DBH: variants seen among roughly 807,000 people sequenced by gnomAD.
The protein encoded by DBH is dopamine beta-hydroxylase, also known as dopamine beta-hydroxylase (dopamine beta-monooxygenase).
In DBH, 49 loss-of-function variants were observed where a neutral mutation model predicts 64.0. That is an observed-to-expected ratio of 0.77 (90% confidence interval 0.61 to 0.97). The LOEUF (loss-of-function observed/expected upper bound fraction) is 0.97, where lower values mean the gene tolerates loss of function less well. Among genes scored for constraint, DBH ranks in the 50% least tolerant of loss-of-function variants. The pLI, the probability that DBH is intolerant of heterozygous loss-of-function variation, is 0.00. For synonymous variants in DBH, 343 were observed against 347.1 expected (o/e 0.99, Z 0.13); for missense variants, 828 against 826.6 (o/e 1.00, Z -0.02).
chr9:133,644,052 G>A (rs549126270), intron 4 of DBH, among the ~76,000 whole-genome samples, 166 bp from the exon 5 acceptor site: 51 of 152,270 alleles, frequency 3.3e-4, no homozygotes, highest in Middle Eastern at 3.4e-3. Context: ...GATGTTCCTG[G>A]GGCGTGTAAT....
chr9:133,642,562 G>C, intron 3 of DBH, 98 bp downstream of exon 3: 1 of 1,441,054 alleles, frequency 6.9e-7, no homozygotes, highest in Non-Finnish European at 9.4e-7. Context: ...AGTCCTGGTT[G>C]GACCAGGTGT....
In DBH at chr9:133,636,762, C is replaced by T. The variant is rs576532198; in HGVS notation, c.339+52C>T. 6 of 1,526,906 alleles carry T rather than the reference C, an allele frequency of 3.9e-6. No individual in the cohort carries two copies. In the East Asian group the frequency reaches 1.2e-4, roughly 29 times the overall value. 94.6% of individuals were successfully genotyped at this position (1,526,906 alleles called of 1,614,324 possible). On this transcript the variant is annotated intron_variant, in intron 1 of 11. Coordinates refer to ENST00000393056, the MANE Select transcript of DBH (RefSeq NM_000787.4). ...CCAAACCCTTCCTGACCCGGCACCC[C>T]ATCTGGCCGTCTTTCTGCACTCACC...
chr9:133,658,164 C>T (rs967603704), intron 11 of DBH, 152 bp from the exon 12 acceptor site: 91 of 1,076,914 alleles, frequency 8.5e-5, no homozygotes, highest in Non-Finnish European at 2.6e-5. Flanking sequence ...TGAGGACCCC[C>T]AAAAAGCAAC....
intron 10 of DBH, among the ~76,000 whole-genome samples, 177 bp from the exon 11 acceptor site, chr9:133,656,893 C>T (rs896039750): frequency 3.9e-5 from 6 of 152,296 alleles, no homozygotes; most frequent in South Asian, 4.1e-4. Context: ...GAGGTGAGGC[C>T]GTTGCCGGTG....
intron 6 of DBH, among the ~76,000 whole-genome samples, chr9:133,648,301 G>A (rs1033116230): frequency 1.3e-5 from 2 of 152,174 alleles, no homozygotes; most frequent in African/African-American, 4.8e-5. Context: ...CATTATGTAA[G>A]CAACACACAC....
In DBH at chr9:133,656,654, A is replaced by G. The variant is rs1216689132; in HGVS notation, c.1562+4A>G. On this transcript the variant is annotated splice_donor_region_variant and intron_variant, in intron 10 of 11. Coordinates refer to ENST00000393056, the MANE Select transcript of DBH (RefSeq NM_000787.4). ...AGTACTTCCACCTCATCAACAGGTG[A>G]GGGCTCCCTGCACAAGCTCCCTGCC... 1 of 1,611,698 alleles carries G rather than the reference A, an allele frequency of 6.2e-7. No homozygotes were observed. The highest frequency in any genetic ancestry group is 8.5e-7 in the Non-Finnish European group (1 of 1,179,934).
rs755891058 is a variant in DBH at position 133,636,490 on chromosome 9, C to T, written c.119C>T (p.Ser40Leu). The change falls in exon 1 of 12, where the codon TCG becomes TTG. Residue 40 changes from serine (S) to leucine (L), a missense_variant. By Grantham distance (145) the Ser-to-Leu change is moderately radical (BLOSUM62 -2). Coordinates refer to ENST00000393056, the MANE Select transcript of DBH (RefSeq NM_000787.4). The part of the protein sequence containing the change: ...LVILVAALQG[S>L]APRESPLPYH... ...ATCCTGGTGGCCGCACTGCAGGGCT[C>T]GGCTCCCCGTGAGAGCCCCCTCCCC... The T allele has an allele frequency of 1.4e-5, 22 of 1,613,248 alleles. No individual in the cohort carries two copies. The highest frequency in any genetic ancestry group is 2.2e-5 in the East Asian group (1 of 44,870).
In DBH at chr9:133,652,984, G is replaced by A. The variant is rs547978016; in HGVS notation, c.1419G>A (p.Arg473=). The A allele has an allele frequency of 2.1e-5, 34 of 1,613,404 alleles. No homozygotes were observed. The East Asian group carries it at 7.4e-4, about 35-fold the overall frequency. Residue 473 remains arginine, a synonymous_variant, in exon 9 of 12, where the codon CGG becomes CGA. Transcript: ENST00000393056. ...ITSCTYNTED[R]ELATVGGFGI... is the part of the protein sequence containing the mutation. Reference sequence around the variant, plus strand: ...CCTGCACGTACAACACAGAAGACCGGGAGCTGGCCACAGTGGTAAGTCACC... The same window carrying A: ...CCTGCACGTACAACACAGAAGACCGAGAGCTGGCCACAGTGGTAAGTCACC...
At position 133,658,496 on chromosome 9, in the gene DBH, A is replaced by G. The variant is rs1294109896; in HGVS notation, c.*49A>G. On this transcript the variant is annotated 3_prime_UTR_variant, in exon 12 of 12. Transcript: ENST00000393056. Reference sequence around the variant, plus strand: ...CTCCATGCTGTCCCTGTGGGCTCACACCGGCACTGTGCACTCTACTCTGCG... The same window carrying G: ...CTCCATGCTGTCCCTGTGGGCTCACGCCGGCACTGTGCACTCTACTCTGCG... 1.9e-6 allele frequency: 3 copies of G among 1,554,160 alleles called. No individual in the cohort carries two copies. The highest frequency in any genetic ancestry group is 4.6e-5 in the East Asian group (2 of 43,560).
intron 9 of DBH, among the ~76,000 whole-genome samples, chr9:133,653,626 G>A (rs1403366364): frequency 1.3e-5 from 2 of 152,146 alleles, no homozygotes; most frequent in African/African-American, 4.8e-5. Context: ...AAGGAGAGGA[G>A]GAGAGGGTGG....
chr9:133,643,435 G>T lies in DBH; in HGVS notation c.767G>T (p.Gly256Val). The T allele has an allele frequency of 6.2e-7, 1 of 1,613,880 alleles. No homozygotes were observed. Among genetic ancestry groups the T allele is most frequent in the East Asian group, 2.2e-5 (1 of 44,866 alleles). The change falls in exon 4 of 12, where the codon GGC (glycine) becomes GTC (valine). Residue 256 changes from glycine (G) to valine (V), a missense_variant. Physicochemically the swap from Gly to Val is moderately radical, Grantham distance 109. Transcript: ENST00000393056. The surrounding 1 kb of genome is among the most constrained non-coding windows in gnomAD (Gnocchi z 5.3). ...CAGTACGAGCCCATCGTCACCAAGG[G>T]CAATGAGGCCCTTGTCCACCACATG... is the stretch of plus-strand genomic sequence containing the variant. ...IIKYEPIVTK[G>V]NEALVHHMEV...
Position 133,643,624 on chromosome 9 carries a change from G to T in DBH, c.921+35G>T. 6.2e-7 allele frequency: 1 copy of T among 1,610,348 alleles called. No individual in the cohort carries two copies. Among genetic ancestry groups the T allele is most frequent in the Non-Finnish European group, 8.5e-7 (1 of 1,178,406 alleles). On this transcript the variant is annotated intron_variant, in intron 4 of 11. Coordinates refer to ENST00000393056, the MANE Select transcript of DBH (RefSeq NM_000787.4). This position sits in a 1 kb window ranked among gnomAD's most constrained non-coding sequence, Gnocchi z 5.3. ...CTGCGACCCCAGCATGGTGTCTCCT[G>T]CCTGGGCCCCTGGCATCCCCACACC... is the stretch of plus-strand genomic sequence containing the variant.
At chr9:133,656,922 G>T in intron 10 of DBH, 148 bp from the exon 11 acceptor site, 1 of 985,448 alleles carries the variant, frequency 1.0e-6, no homozygotes. Flanking sequence ...ATCTGGGGTG[G>T]CCTGGCGGAG....
chr9:133,650,712 C>T (rs763153499), intron 6 of DBH, among the ~76,000 whole-genome samples: 3 of 151,786 alleles, frequency 2.0e-5, no homozygotes, highest in Non-Finnish European at 4.4e-5. Context: ...CATGCCCGGC[C>T]AATTTTTGTA....
At chr9:133,644,457 T>C (rs1357977061) in intron 5 of DBH, 137 bp downstream of exon 5, 2 of 759,536 alleles carry the variant, frequency 2.6e-6, no homozygotes, top group Non-Finnish European at 4.6e-6. Flanking sequence ...CCCTTGCGTC[T>C]GCCTCATCCG....
intron 2 of DBH, among the ~76,000 whole-genome samples, 199 bp downstream of exon 2, chr9:133,640,191 T>C (rs918161594): frequency 3.3e-5 from 5 of 152,224 alleles, no homozygotes; most frequent in Admixed American, 3.3e-4. Flanking sequence ...AGCTCTGCTA[T>C]TGCCCCTGAG....
Position 133,639,992 on chromosome 9 carries a change from A to C in DBH, c.486A>C (p.Glu162Asp). The C allele has an allele frequency of 6.2e-7, 1 of 1,613,420 alleles. No homozygotes were observed. Among genetic ancestry groups the C allele is most frequent in the Non-Finnish European group, 8.5e-7 (1 of 1,179,830 alleles). ...GCGACCCCAAGGATTACCTCATTGAAGTAAGGGGTGGCCGCGAGTACCCAG... is the reference window on the plus strand; with the variant it reads ...GCGACCCCAAGGATTACCTCATTGACGTAAGGGGTGGCCGCGAGTACCCAG... The part of the protein sequence containing the change: ...GTCDPKDYLI[E>D]DGTVHLVYGI... Residue 162 changes from glutamate to aspartate, a missense_variant and splice_region_variant, in exon 2 of 12, where the codon GAA becomes GAC. Physicochemically the swap from Glu to Asp is conservative, Grantham distance 45 (BLOSUM62 2). Coordinates refer to ENST00000393056, the MANE Select transcript of DBH (RefSeq NM_000787.4).
Position 133,648,030 on chromosome 9 carries a change from C to G in DBH, c.1191+18C>G, listed in dbSNP as rs370920059. The G allele has an allele frequency of 4.4e-6, 7 of 1,605,544 alleles. No individual in the cohort carries two copies. The highest frequency in any genetic ancestry group is 2.2e-5 in the South Asian group (2 of 89,926). On this transcript the variant is annotated intron_variant, in intron 6 of 11. Transcript: ENST00000393056. ...CCCAGCTGGTGAGTGGGGCTGGGCC[C>G]GGCACTGCACCCTCCCTCCTCCCGC...
chr9:133,657,282 G>T (rs1832336505), intron 11 of DBH, 53 bp downstream of exon 11: 2 of 1,608,816 alleles, frequency 1.2e-6, no homozygotes, highest in South Asian at 2.2e-5. Flanking sequence ...CCTCATGGGG[G>T]GCCCCAGTGA....
Sources: allele counts gnomAD v4.1 joint callset (sites outside exome capture counted in the v4.1 genomes callset), GRCh38; gene constraint gnomAD v4.1.1; non-coding constraint Gnocchi (gnomAD v3.1); transcripts MANE v1.5; gene names NCBI Gene and HGNC (gene_info 2026-07-23, HGNC 2026-07-21).